SLC43A3: variants seen among roughly 807,000 people sequenced by gnomAD.
SLC43A3 encodes the protein solute carrier family 43 member 3.
A neutral mutation model predicts 53.3 loss-of-function variants in SLC43A3; 33 were observed. The ratio of observed to expected loss-of-function variants is 0.62; its 90% CI spans 0.47 to 0.83. The LOEUF (loss-of-function observed/expected upper bound fraction) is 0.83, where lower values mean the gene tolerates loss of function less well. SLC43A3 is among the 40% of genes least tolerant of loss of function. The pLI, the probability that SLC43A3 is intolerant of heterozygous loss-of-function variation, is 0.00. For missense variants in SLC43A3, 530 were observed against 610.0 expected, an observed-to-expected ratio of 0.87 and a Z score of 1.38; for synonymous variants, 236 against 246.2, an observed-to-expected ratio of 0.96 and a Z score of 0.39.
rs574822805 is a variant in SLC43A3, at chr11:57,421,416, C to T, written c.362-43G>A. The T allele has an allele frequency of 6.1e-6, 9 of 1,476,842 alleles. No homozygotes were observed. In the African/African-American group the frequency reaches 1.2e-4, roughly 20 times the overall value. 91.5% of individuals were successfully genotyped at this position (1,476,842 alleles called of 1,614,324 possible). A position where few individuals can be genotyped will look rare whatever the true frequency, so the allele number is the denominator to read the frequency against. On this transcript the variant is annotated intron_variant, in intron 5 of 13. Coordinates refer to ENST00000395124, the MANE Select transcript of SLC43A3 (RefSeq NM_199329.3). ...GAGGTAGGGTGGTGTCATAGTGCAA[C>T]CCAAACATGGAGCCCCAAACTCTGC...
intron 11 of SLC43A3, among the ~76,000 whole-genome samples, chr11:57,413,166 A>G (rs1942561954): frequency 6.6e-6 from 1 of 152,228 alleles, no homozygotes; most frequent in Non-Finnish European, 1.5e-5. Context: ...ACACATTAAA[A>G]CAACGCCAAA....
In SLC43A3 at chr11:57,409,952, C is replaced by G. The variant is rs200281233; in HGVS notation, c.1230G>C (p.Ala410=). The change falls in exon 12 of 14, where the codon GCG becomes GCC. Residue 410 remains alanine (A), a synonymous_variant. Transcript: ENST00000395124. ...ISRSFLYGSN[A]AFLTLAFPSE... ...CCACTTACGCAAGGGTGAGGAAGGC[C>G]GCGTTGCTCCCATAGAGGAAGGAGC... The G allele has an allele frequency of 6.2e-7, 1 of 1,611,850 alleles. No homozygotes were observed. Among genetic ancestry groups the G allele is most frequent in the Non-Finnish European group, 8.5e-7 (1 of 1,179,120 alleles).
chr11:57,408,788 G>A (rs931877731), intron 13 of SLC43A3: 2 of 185,958 alleles, frequency 1.1e-5, no homozygotes, highest in Admixed American at 5.3e-5. Flanking sequence ...GGAGACTCAC[G>A]ACCACCTCCT....
rs746216412 is a variant in SLC43A3 at position 57,409,281 on chromosome 11, A to AAGTGG, written c.1264_1265insCCACT (p.Phe422SerfsTer10). 13 of 1,614,042 alleles carry AAGTGG rather than the reference A, an allele frequency of 8.1e-6. No homozygotes were observed. The African/African-American group carries it at 1.6e-4, about 20-fold the overall frequency. On this transcript the variant is annotated frameshift_variant, in exon 13 of 14. Transcript: ENST00000395124. LOFTEE classifies it high-confidence loss of function. ...CATCACCAGCCCAAAGAGCTTGCCAAAGTGCTCTGAAGGGAAACTGGGGAG... is the reference window on the plus strand; with the variant it reads ...CATCACCAGCCCAAAGAGCTTGCCAAAGTGGAGTGCTCTGAAGGGAAACTGGGGAG...
chr11:57,410,681 T>C lies in SLC43A3; in HGVS notation c.1061-560A>G, dbSNP rs1273598465. On this transcript the variant is annotated intron_variant, in intron 11 of 13. Transcript: ENST00000395124. ...ATAGTGTATACAGTATACTACCTTT[T>C]ATCTAAAAGAGAGGGAAATGTATTG... 2.0e-5 allele frequency among the ~76,000 whole-genome samples: 3 copies of C among 152,256 alleles called. No individual in the cohort carries two copies. The East Asian group carries it at 5.8e-4, about 29-fold the overall frequency.
chr11:57,409,926 G>A lies in SLC43A3; in HGVS notation c.1247+9C>T, dbSNP rs1191295807. ...CCGTCTCCACAGAGCCCGCCCCAAG[G>A]CCACTTACGCAAGGGTGAGGAAGGC... On this transcript the variant is annotated intron_variant, in intron 12 of 13. Coordinates refer to ENST00000395124, the MANE Select transcript of SLC43A3 (RefSeq NM_199329.3). 1 of 1,602,914 alleles carries A rather than the reference G, an allele frequency of 6.2e-7. No homozygotes were observed. The highest frequency in any genetic ancestry group is 1.7e-5 in the Admixed American group (1 of 58,522).
intron 8 of SLC43A3, among the ~76,000 whole-genome samples, chr11:57,417,016 T>C (rs1404808775): frequency 6.6e-6 from 1 of 152,216 alleles, no homozygotes; most frequent in African/African-American, 2.4e-5. Flanking sequence ...CCTCATTTTT[T>C]GCATTTAGAA....
At chr11:57,414,086 C>T (rs1942604682) in intron 11 of SLC43A3, among the ~76,000 whole-genome samples, 1 of 152,220 alleles carries the variant, frequency 6.6e-6, no homozygotes, top group Non-Finnish European at 1.5e-5. Context: ...ACTGAGAACA[C>T]CTTGAGAAAA....
At chr11:57,417,121 C>G (rs894782396) in intron 8 of SLC43A3, among the ~76,000 whole-genome samples, 1 of 152,166 alleles carries the variant, frequency 6.6e-6, no homozygotes, top group African/African-American at 2.4e-5. Flanking sequence ...AAAGGAATGC[C>G]CTTCCTCTAC....
At chr11:57,416,824 T>C (rs1033200026) in intron 8 of SLC43A3, among the ~76,000 whole-genome samples, 154 bp from the exon 9 acceptor site, 3 of 152,098 alleles carry the variant, frequency 2.0e-5, no homozygotes, top group Non-Finnish European at 4.4e-5. Context: ...CCAGACCAGT[T>C]AAATCAGAAT....
At chr11:57,423,885 G>T in intron 5 of SLC43A3, 97 bp downstream of exon 5, 1 of 956,046 alleles carries the variant, frequency 1.0e-6, no homozygotes, top group South Asian at 1.3e-5. Flanking sequence ...ATAACCATGT[G>T]GTCTGTATAT....
intron 5 of SLC43A3, among the ~76,000 whole-genome samples, chr11:57,423,248 CA>C (rs1943065705): frequency 6.6e-6 from 1 of 152,190 alleles, no homozygotes; most frequent in Admixed American, 6.5e-5. Flanking sequence ...CCAGACTTAA[CA>C]GACTGGTGAA....
chr11:57,421,519 T>G, intron 5 of SLC43A3, 146 bp from the exon 6 acceptor site: 1 of 617,946 alleles, frequency 1.6e-6, no homozygotes, highest in Non-Finnish European at 2.9e-6. Context: ...CCTTCAAGGG[T>G]TTTTAGGATA....
intron 12 of SLC43A3, 86 bp downstream of exon 12, chr11:57,409,849 C>A (rs1216491346): frequency 1.5e-6 from 2 of 1,347,294 alleles, no homozygotes; most frequent in African/African-American, 2.9e-5. Flanking sequence ...CCTCCAGGCC[C>A]CGCCTTGCCT....
intron 11 of SLC43A3, among the ~76,000 whole-genome samples, chr11:57,414,155 AT>A (rs1942608307): frequency 6.6e-6 from 1 of 152,270 alleles, no homozygotes; most frequent in African/African-American, 2.4e-5. Flanking sequence ...TGGCTGACAC[AT>A]AACTATCACT....
rs770255383 is a variant in SLC43A3 at position 57,425,648 on chromosome 11, C to T, written c.207G>A (p.Arg69=). 5 of 1,613,990 alleles carry T rather than the reference C, an allele frequency of 3.1e-6. No homozygotes were observed. The South Asian group carries it at 5.5e-5, about 18-fold the overall frequency. The part of the protein sequence containing the change: ...GQADCKAQDE[R]FSLIFTLGSF... ...ACCCCAGGGTGAAGATGAGTGAGAA[C>T]CTCTCATCCTGGGCTTTGCAGTCTG... is the stretch of plus-strand genomic sequence containing the variant. Residue 69 remains arginine, a synonymous_variant, in exon 4 of 14, where the codon AGG becomes AGA. Transcript: ENST00000395124.
At chr11:57,423,895 T>A in intron 5 of SLC43A3, 87 bp downstream of exon 5, 1 of 1,102,718 alleles carries the variant, frequency 9.1e-7, no homozygotes, top group Non-Finnish European at 1.4e-6. Context: ...GGTCTGTATA[T>A]CTTGCCTATA....
At chr11:57,424,098 T>G in intron 4 of SLC43A3, 70 bp from the exon 5 acceptor site, 1 of 1,474,812 alleles carries the variant, frequency 6.8e-7, no homozygotes. Context: ...AACATGATTC[T>G]GCTCAGCCAG....
chr11:57,415,101 G>T lies in SLC43A3; in HGVS notation c.775C>A (p.Pro259Thr), dbSNP rs868862302. ...KEFLSAKEET[P>T]GAGQKQELRS... The stretch of plus-strand genomic sequence containing the variant: ...AGTTCCTGCTTCTGCCCTGCCCCTG[G>T]GGTCTCTAATGGGGAGAGGAGGATC... The change falls in exon 10 of 14, where the codon CCA becomes ACA. Residue 259 changes from proline to threonine, a missense_variant. This residue lies in a region of SLC43A3 where 376 missense variants were observed against 386.7 expected (regional missense o/e 0.97). Coordinates refer to ENST00000395124, the MANE Select transcript of SLC43A3 (RefSeq NM_199329.3). The T allele has an allele frequency of 6.2e-7, 1 of 1,608,934 alleles. No homozygotes were observed. Among genetic ancestry groups the T allele is most frequent in the Non-Finnish European group, 8.5e-7 (1 of 1,177,388 alleles).
Sources: allele counts gnomAD v4.1 joint callset (sites outside exome capture counted in the v4.1 genomes callset), GRCh38; gene constraint gnomAD v4.1.1; regional missense constraint gnomAD v4.1.1; transcripts MANE v1.5; gene names NCBI Gene and HGNC (gene_info 2026-07-23, HGNC 2026-07-21).